NECAP2: variants seen among roughly 807,000 people sequenced by gnomAD.
NECAP2 encodes the protein NECAP endocytosis associated 2, also known as adaptin ear-binding coat-associated protein 2.
In NECAP2, 38 loss-of-function variants were observed where a neutral mutation model predicts 37.8. The observed-to-expected ratio is 1.01, with a 90% CI of 0.78 to 1.32. The LOEUF is 1.32. NECAP2 is among the 40% of genes most tolerant of loss of function. The probability of loss-of-function intolerance (pLI) is 0.00; values close to 1 mark genes in which losing one functional copy is unlikely to be tolerated. For missense variants in NECAP2, 316 were observed against 334.5 expected (o/e 0.94, Z 0.43); for synonymous variants, 121 against 127.7 (o/e 0.95, Z 0.35).
chr1:16,443,617 T>C lies in NECAP2; in HGVS notation c.93-15T>C. ...GGAGCCTCTGGCAGAGATTCAGTGGTGTTTGTCCCCTTAGGGCTGCGGAGT... is the reference window on the plus strand; with the variant it reads ...GGAGCCTCTGGCAGAGATTCAGTGGCGTTTGTCCCCTTAGGGCTGCGGAGT... On this transcript the variant is annotated splice_polypyrimidine_tract_variant and intron_variant, in intron 1 of 7. Transcript: ENST00000337132. 5 of 1,596,232 alleles carry C rather than the reference T, an allele frequency of 3.1e-6. No individual in the cohort carries two copies. Among genetic ancestry groups the C allele is most frequent in the Non-Finnish European group, 4.3e-6 (5 of 1,168,508 alleles).
chr1:16,457,708 T>TTG (rs1491197906), intron 7 of NECAP2, among the ~76,000 whole-genome samples: 2 of 98,080 alleles, frequency 2.0e-5, no homozygotes, highest in African/African-American at 1.3e-4. Context: ...AGTAATTCTG[T>TTG]TTTTTTTTTT....
At chr1:16,452,330 C>CAA (rs1263542348) in intron 6 of NECAP2, among the ~76,000 whole-genome samples, 1 of 152,144 alleles carries the variant, frequency 6.6e-6, no homozygotes, top group Non-Finnish European at 1.5e-5. Context: ...GTAATGGAGA[C>CAA]ACAGTCTCTG....
rs1355239008 is a variant in NECAP2, at chr1:16,440,776, G to T, written c.15G>T (p.Gly5=). The part of the protein sequence containing the change: MEES[G]YESVLCVKPD... Reference sequence around the variant, plus strand: ...CAGGCGTCGCGATGGAGGAGAGCGGGTACGAGTCGGTGCTCTGTGTCAAGC... The same window carrying T: ...CAGGCGTCGCGATGGAGGAGAGCGGTTACGAGTCGGTGCTCTGTGTCAAGC... Residue 5 remains glycine, a synonymous_variant, in exon 1 of 8, where the codon GGG becomes GGT. Transcript: ENST00000337132. 3 of 1,614,110 alleles carry T rather than the reference G, an allele frequency of 1.9e-6. No homozygotes were observed. Among genetic ancestry groups the T allele is most frequent in the Admixed American group, 1.7e-5 (1 of 60,032 alleles).
In NECAP2 at chr1:16,459,065, G is replaced by GT. The variant is rs2086972689; in HGVS notation, c.*176dup. On this transcript the variant is annotated 3_prime_UTR_variant, in exon 8 of 8. Coordinates refer to ENST00000337132, the MANE Select transcript of NECAP2 (RefSeq NM_018090.5). ...ATGTTTGGCAGTAAATTGGCACCGT[G>GT]TCACACTGTTTCCTGGGATTCAAGT... 2 of 1,442,894 alleles carry GT rather than the reference G, an allele frequency of 1.4e-6. No homozygotes were observed. The highest frequency in any genetic ancestry group is 2.9e-5 in the African/African-American group (2 of 69,620). 89.4% of individuals were successfully genotyped at this position (1,442,894 alleles called of 1,614,324 possible). A position where few individuals can be genotyped will look rare whatever the true frequency, so the allele number is the denominator to read the frequency against.
chr1:16,454,463 C>A (rs966723609), intron 6 of NECAP2, among the ~76,000 whole-genome samples: 5 of 152,160 alleles, frequency 3.3e-5, no homozygotes, highest in African/African-American at 1.2e-4. Flanking sequence ...TCAAGCAATT[C>A]TCCTGCCTCA....
intron 2 of NECAP2, among the ~76,000 whole-genome samples, chr1:16,444,844 A>G (rs1319463047): frequency 6.6e-6 from 1 of 152,138 alleles, no homozygotes; most frequent in Non-Finnish European, 1.5e-5. Context: ...TTGTTTTTAG[A>G]TGGAGTCTTG....
At chr1:16,457,861 C>T (rs2086944982) in intron 7 of NECAP2, among the ~76,000 whole-genome samples, 1 of 151,794 alleles carries the variant, frequency 6.6e-6, no homozygotes, top group Non-Finnish European at 1.5e-5. Context: ...AGGCAATTGC[C>T]ACCACACCCG....
intron 1 of NECAP2, among the ~76,000 whole-genome samples, chr1:16,443,418 G>A (rs549980509): frequency 1.3e-5 from 2 of 152,336 alleles, no homozygotes; most frequent in South Asian, 2.1e-4. Context: ...GCATCACCAC[G>A]TGCATGTTCT....
In NECAP2 at chr1:16,455,647, C is replaced by T. The variant is rs1029218604; in HGVS notation, c.668-171C>T. ...TGAGAAGATGCTGGAAGTGTGGCAA[C>T]TCAGGGTGTTTGGTTGCCCAAAAGC... On this transcript the variant is annotated intron_variant, in intron 6 of 7. Coordinates refer to ENST00000337132, the MANE Select transcript of NECAP2 (RefSeq NM_018090.5). 78 of 608,192 alleles carry T rather than the reference C, an allele frequency of 1.3e-4. No homozygotes were observed. In the East Asian group the frequency reaches 2.1e-3, roughly 16 times the overall value. The allele number at this position is 608,192 out of a possible 1,614,324, so 37.7% of individuals were successfully genotyped here.
intron 7 of NECAP2, among the ~76,000 whole-genome samples, chr1:16,458,505 C>T (rs957109325): frequency 1.3e-5 from 2 of 151,870 alleles, no homozygotes; most frequent in East Asian, 1.9e-4. Context: ...GTAGGAGGAT[C>T]GCTTGAGCTC....
At chr1:16,449,725 C>A in intron 5 of NECAP2, 1 of 174,372 alleles carries the variant, frequency 5.7e-6, no homozygotes, top group Non-Finnish European at 1.2e-5. Context: ...TGGGAGAGTT[C>A]TGGCAGGAGG....
intron 3 of NECAP2, 39 bp downstream of exon 3, chr1:16,448,013 G>GT (rs756455467): frequency 8.1e-6 from 13 of 1,614,004 alleles, no homozygotes; most frequent in Non-Finnish European, 1.1e-5. Context: ...CTTGGGAAAG[G>GT]TTTTCTCTGC....
At chr1:16,451,627 T>A in intron 5 of NECAP2, 1 of 591,418 alleles carries the variant, frequency 1.7e-6, no homozygotes, top group South Asian at 2.0e-5. Context: ...GAAGTGGGGG[T>A]GCTGGGTTTT....
At chr1:16,456,027 T>TC (rs1034286332) in intron 7 of NECAP2, 134 bp downstream of exon 7, 55 of 481,136 alleles carry the variant, frequency 1.1e-4, no homozygotes, top group Non-Finnish European at 1.8e-4. Flanking sequence ...TTCTTTTCTT[T>TC]TTTTTTTTTT....
At chr1:16,451,725 T>G in intron 5 of NECAP2, 113 bp from the exon 6 acceptor site, 1 of 1,021,390 alleles carries the variant, frequency 9.8e-7, no homozygotes, top group Admixed American at 1.9e-5. Context: ...GACCATCTTT[T>G]GGTTACACAG....
chr1:16,449,598 A>G (rs1269913628), intron 5 of NECAP2: 1 of 191,760 alleles, frequency 5.2e-6, no homozygotes, highest in Non-Finnish European at 1.1e-5. Flanking sequence ...AAGCCTCTGA[A>G]CTGAGAAGGA....
At chr1:16,448,308 C>A in intron 4 of NECAP2, 167 bp downstream of exon 4, 1 of 687,930 alleles carries the variant, frequency 1.5e-6, no homozygotes, top group Non-Finnish European at 2.6e-6. Flanking sequence ...TTCATCTCTG[C>A]TGTAAAGCCT....
At chr1:16,448,415 G>T (rs2100954136) in intron 4 of NECAP2, 1 of 500,752 alleles carries the variant, frequency 2.0e-6, no homozygotes, top group East Asian at 3.6e-5. Context: ...TCCTCATCAG[G>T]CTCCTGTGGC....
intron 6 of NECAP2, among the ~76,000 whole-genome samples, chr1:16,455,155 G>A (rs533553900): frequency 1.3e-5 from 2 of 152,344 alleles, no homozygotes; most frequent in South Asian, 4.1e-4. Flanking sequence ...CCAAGGTGGA[G>A]GGTGGCAAAC....
Sources: gnomAD v4.1 joint callset for allele counts (sites outside exome capture counted in the v4.1 genomes callset) on GRCh38, gnomAD v4.1.1 for gene constraint, MANE v1.5 for transcripts, NCBI Gene and HGNC (gene_info 2026-07-23, HGNC 2026-07-21) for gene names.